FBXL18: variants seen among roughly 807,000 people sequenced by gnomAD.
FBXL18 encodes the protein F-box/LRR-repeat protein 18.
A neutral mutation model predicts 46.0 loss-of-function variants in FBXL18; 36 were observed. The ratio of observed to expected loss-of-function variants is 0.78; its 90% CI spans 0.60 to 1.03. The LOEUF is 1.03. Among genes scored for constraint, FBXL18 ranks in the 50% least tolerant of loss-of-function variants. FBXL18 has a pLI of 0.00. For synonymous variants in FBXL18, 557 were observed against 465.3 expected (o/e 1.20, Z -2.54); for missense variants, 977 against 1,004.1 (o/e 0.97, Z 0.36).
chr7:5,503,455 G>C (rs948098312), intron 2 of FBXL18, among the ~76,000 whole-genome samples: 2 of 152,038 alleles, frequency 1.3e-5, no homozygotes, highest in African/African-American at 4.8e-5. Context: ...CGGGGTTCAA[G>C]AGATCCTCCC....
intron 4 of FBXL18, among the ~76,000 whole-genome samples, chr7:5,468,198 T>C (rs1354169872): frequency 6.6e-6 from 1 of 152,158 alleles, no homozygotes; most frequent in Admixed American, 6.6e-5. Context: ...TTAGCCAGGA[T>C]GGTCTCGATC....
In FBXL18 at chr7:5,468,185, G is replaced by A. The variant is rs536207214; in HGVS notation, c.2001-20342C>T. ...TTTTTAGTAGAGACGGGGTTTCACC[G>A]TGTTAGCCAGGATGGTCTCGATCTC... On this transcript the variant is annotated intron_variant and NMD_transcript_variant, in intron 4 of 6. Coordinates refer to the FBXL18 transcript ENST00000415009. Among the ~76,000 whole-genome samples, 15 of 152,130 alleles carry A rather than the reference G, an allele frequency of 9.9e-5. No individual in the cohort carries two copies. In the South Asian group the frequency reaches 1.7e-3, roughly 17 times the overall value.
chr7:5,510,336 AC>A (rs1437352073), intron 1 of FBXL18, among the ~76,000 whole-genome samples: 1 of 150,082 alleles, frequency 6.7e-6, no homozygotes, highest in Non-Finnish European at 1.5e-5. Context: ...AGAAAAAAAA[AC>A]CCAAGTTGCA....
intron 4 of FBXL18, among the ~76,000 whole-genome samples, chr7:5,486,211 A>G (rs1176361573): frequency 6.7e-6 from 1 of 149,022 alleles, no homozygotes. Context: ...AGATGGTACC[A>G]TTGCACTCCA....
At position 5,501,616 on chromosome 7, in the gene FBXL18, A is replaced by G. The variant is rs1161934193; in HGVS notation, c.653T>C (p.Met218Thr). Residue 218 changes from methionine to threonine, a missense_variant, in exon 3 of 5, where the codon ATG (methionine) becomes ACG (threonine). Physicochemically the swap from Met to Thr is moderately conservative, Grantham distance 81 (BLOSUM62 -1). Coordinates refer to ENST00000382368, the MANE Select transcript of FBXL18 (RefSeq NM_024963.6). ...REGAILSGQL[M>T]VGQSNVPHYQ... Reference sequence around the variant, plus strand: ...GTGCGGCACGTTGCTCTGGCCCACCATAAGCTGGCCCGAGAGGATGGCGCC... The same window carrying G: ...GTGCGGCACGTTGCTCTGGCCCACCGTAAGCTGGCCCGAGAGGATGGCGCC... 1 of 1,613,826 alleles carries G rather than the reference A, an allele frequency of 6.2e-7. No individual in the cohort carries two copies. Among genetic ancestry groups the G allele is most frequent in the Non-Finnish European group, 8.5e-7 (1 of 1,179,966 alleles).
rs1158304856 is a variant in FBXL18 at position 5,480,201 on chromosome 7, A to C, written c.*1574T>G. Among the ~76,000 whole-genome samples the C allele has an allele frequency of 6.6e-6, 1 of 152,210 alleles. No individual in the cohort carries two copies. Among genetic ancestry groups the C allele is most frequent in the Non-Finnish European group, 1.5e-5 (1 of 68,046 alleles). On this transcript the variant is annotated 3_prime_UTR_variant, in exon 5 of 5. Transcript: ENST00000382368. ...CACCCCACAGGACGGGGCATCTGTC[A>C]CACGGAAACCCAGGAGGAGGAAGGC...
Position 5,455,012 on chromosome 7 carries a change from C to T in FBXL18, c.2001-7169G>A, listed in dbSNP as rs1248383509. Among the ~76,000 whole-genome samples, 2 of 152,220 alleles carry T rather than the reference C, an allele frequency of 1.3e-5. No homozygotes were observed. The highest frequency in any genetic ancestry group is 4.8e-5 in the African/African-American group (2 of 41,462). On this transcript the variant is annotated intron_variant and NMD_transcript_variant, in intron 4 of 6. Transcript: ENST00000415009. The surrounding 1 kb of genome is among the most constrained non-coding windows in gnomAD (Gnocchi z 4.6). Reference sequence around the variant, plus strand: ...AAACCAGAGCCTGGAGGGTGGTGCTCTAAGAGTGATCCCAGTCACACTGGC... The same window carrying T: ...AAACCAGAGCCTGGAGGGTGGTGCTTTAAGAGTGATCCCAGTCACACTGGC...
At chr7:5,463,737 T>TATTTTA (rs1562672327) in intron 4 of FBXL18, among the ~76,000 whole-genome samples, 5 of 35,942 alleles carry the variant, frequency 1.4e-4, no homozygotes, top group African/African-American at 4.1e-4. Flanking sequence ...TATTTTTTTT[T>TATTTTA]TTTTTTTTTT....
intron 4 of FBXL18, among the ~76,000 whole-genome samples, chr7:5,489,017 G>A (rs1023856018): frequency 2.6e-5 from 4 of 152,206 alleles, no homozygotes; most frequent in Non-Finnish European, 5.9e-5. Context: ...CCAAGGGGCT[G>A]AGCTGGAACA....
chr7:5,474,614 C>G (rs550071532), downstream of FBXL18, among the ~76,000 whole-genome samples: 2 of 152,118 alleles, frequency 1.3e-5, no homozygotes, highest in African/African-American at 4.8e-5. Flanking sequence ...CCGCCCCCAG[C>G]TTGAACTATG....
At chr7:5,462,483 C>A (rs1476977517) in intron 4 of FBXL18, among the ~76,000 whole-genome samples, 1 of 152,044 alleles carries the variant, frequency 6.6e-6, no homozygotes, top group African/African-American at 2.4e-5. Flanking sequence ...CAAGCCATGG[C>A]AGAGGGAGGC....
At chr7:5,495,038 G>A (rs1784039944) in intron 3 of FBXL18, among the ~76,000 whole-genome samples, 2 of 152,210 alleles carry the variant, frequency 1.3e-5, no homozygotes, top group South Asian at 4.1e-4. Flanking sequence ...CGCCGCCTGG[G>A]GCACGGCACC....
At position 5,513,775 on chromosome 7, in the gene FBXL18, G is replaced by A. The variant is rs554123392; in HGVS notation, c.-101C>T. On this transcript the variant is annotated 5_prime_UTR_variant, in exon 1 of 5. Transcript: ENST00000382368. ...AAGCCGGCGCGTCCACCGCTCAACC[G>A]AGACCCCGGCAAGGAGCGGGCTCTC... 3.0e-5 allele frequency: 44 copies of A among 1,484,514 alleles called. No individual in the cohort carries two copies. The Admixed American group carries it at 3.6e-4, about 12-fold the overall frequency. 92.0% of individuals were successfully genotyped at this position (1,484,514 alleles called of 1,614,324 possible).
chr7:5,511,522 C>T (rs11767111), intron 1 of FBXL18, among the ~76,000 whole-genome samples: 34,645 of 151,480 alleles, frequency 0.23, 4,539 homozygotes, highest in Middle Eastern at 0.32. Context: ...AGGAGAATCG[C>T]TTGAACCTGG....
chr7:5,491,357 C>T lies in FBXL18; in HGVS notation c.1874G>A (p.Ser625Asn). The T allele has an allele frequency of 6.2e-7, 1 of 1,610,516 alleles. No individual in the cohort carries two copies. Among genetic ancestry groups the T allele is most frequent in the Non-Finnish European group, 8.5e-7 (1 of 1,179,108 alleles). ...CACGGCATCGGGCTGGAGGGTGCCG[C>T]TGCGAGAGACCAGGCACAGGCGCTG... ...SLQRLCLVSR[S>N]GTLQPDAVLA... Residue 625 changes from serine to asparagine, a missense_variant, in exon 4 of 5, where the codon AGC (serine) becomes AAC (asparagine). Coordinates refer to ENST00000382368, the MANE Select transcript of FBXL18 (RefSeq NM_024963.6).
downstream of FBXL18, among the ~76,000 whole-genome samples, chr7:5,474,032 G>T (rs1287866506): frequency 6.6e-6 from 1 of 151,988 alleles, no homozygotes; most frequent in African/African-American, 2.4e-5. Context: ...CCTGACCTCA[G>T]GTGATCCACC....
intron 3 of FBXL18, among the ~76,000 whole-genome samples, chr7:5,491,759 G>A (rs893421277): frequency 1.3e-5 from 2 of 152,202 alleles, no homozygotes; most frequent in Non-Finnish European, 2.9e-5. Context: ...CCTGCCTGGT[G>A]CACCCCAATG....
rs1783609579 is a variant in FBXL18, at chr7:5,480,392, C to G, written c.*1383G>C. On this transcript the variant is annotated 3_prime_UTR_variant, in exon 5 of 5. Coordinates refer to ENST00000382368, the MANE Select transcript of FBXL18 (RefSeq NM_024963.6). ...CACCGTGGCACATGGGGTGAGGACT[C>G]AGATGCCAGGAGGATGTCCTCATTT... The G allele has an allele frequency of 6.6e-6, 1 of 152,136 alleles. No homozygotes were observed. The highest frequency in any genetic ancestry group is 1.5e-5 in the Non-Finnish European group (1 of 68,050). 9.4% of individuals were successfully genotyped at this position (152,136 alleles called of 1,614,324 possible).
At chr7:5,508,744 C>G (rs1784456002) in intron 1 of FBXL18, among the ~76,000 whole-genome samples, 1 of 152,102 alleles carries the variant, frequency 6.6e-6, no homozygotes, top group South Asian at 2.1e-4. Flanking sequence ...TGATCAGAAT[C>G]AGAGACAATC....
Sources: gnomAD v4.1 joint callset for allele counts (sites outside exome capture counted in the v4.1 genomes callset) on GRCh38, gnomAD v4.1.1 for gene constraint, Gnocchi (gnomAD v3.1) non-coding constraint, MANE v1.5 for transcripts, NCBI Gene and HGNC (gene_info 2026-07-23, HGNC 2026-07-21) for gene names.